The following ZDHHC21 variants were observed in gnomAD, a reference collection of about 807,000 sequenced individuals.
The protein encoded by ZDHHC21 is zDHHC palmitoyltransferase 21, also known as palmitoyltransferase ZDHHC21.
A neutral mutation model predicts 34.6 loss-of-function variants in ZDHHC21; 15 were observed. The observed-to-expected ratio is 0.43, with a 90% CI of 0.29 to 0.67. ZDHHC21 has a LOEUF of 0.67. ZDHHC21 is among the 30% of genes least tolerant of loss of function. The probability of loss-of-function intolerance (pLI) is 0.14; values close to 1 mark genes in which losing one functional copy is unlikely to be tolerated. For missense variants in ZDHHC21, 344 were observed against 327.7 expected (o/e 1.05, Z -0.38); for synonymous variants, 142 against 101.8 (o/e 1.40, Z -2.38).
the ZDHHC21 span, among the ~76,000 whole-genome samples, chr9:14,601,449 C>A: frequency 6.6e-6 from 1 of 152,096 alleles, no homozygotes; most frequent in African/African-American, 2.4e-5. Flanking sequence ...CAATGAGATA[C>A]CATCTCATGC....
At chr9:14,636,992 G>C (rs1248848769) in intron 8 of ZDHHC21, among the ~76,000 whole-genome samples, 2 of 151,928 alleles carry the variant, frequency 1.3e-5, no homozygotes, top group African/African-American at 4.8e-5. Context: ...GCACCTCAAG[G>C]AACCAGAAAA....
At chr9:14,675,444 C>A (rs1298175704) in intron 3 of ZDHHC21, among the ~76,000 whole-genome samples, 1 of 151,872 alleles carries the variant, frequency 6.6e-6, no homozygotes, top group Non-Finnish European at 1.5e-5. Context: ...TCTACTGAAT[C>A]ATAATTCTTC....
the ZDHHC21 span, chr9:14,593,997 G>C: frequency 6.6e-6 from 1 of 152,150 alleles, no homozygotes; most frequent in East Asian, 1.9e-4. Flanking sequence ...ACTTTCCCTG[G>C]TCACCTCAGC....
chr9:14,631,853 C>G (rs142755911), intron 8 of ZDHHC21, among the ~76,000 whole-genome samples: 267 of 152,106 alleles, frequency 1.8e-3, no homozygotes, highest in Middle Eastern at 6.8e-3. Context: ...GTTTGTGGTG[C>G]CCCAAAATAA....
At chr9:14,655,282 G>C (rs10961638) in intron 7 of ZDHHC21, among the ~76,000 whole-genome samples, 1 of 151,162 alleles carries the variant, frequency 6.6e-6, no homozygotes, top group African/African-American at 2.5e-5. Flanking sequence ...AAAAATGAAG[G>C]AGAAATAAAA....
downstream of ZDHHC21, among the ~76,000 whole-genome samples, chr9:14,610,233 T>A (rs892053994): frequency 1.3e-5 from 2 of 151,642 alleles, no homozygotes; most frequent in Non-Finnish European, 2.9e-5. Context: ...TGTAAAGGAG[T>A]CCTGAGACCA....
At chr9:14,608,773 T>C (rs1005739214), downstream of ZDHHC21, among the ~76,000 whole-genome samples, 1 of 152,130 alleles carries the variant, frequency 6.6e-6, no homozygotes, top group Non-Finnish European at 1.5e-5. Flanking sequence ...GCTAATATAA[T>C]TGCTGCTCAT....
At chr9:14,665,410 T>A (rs976765514) in intron 5 of ZDHHC21, among the ~76,000 whole-genome samples, 1 of 145,072 alleles carries the variant, frequency 6.9e-6, no homozygotes. Flanking sequence ...TGGAACCAAG[T>A]TGGAAAACAC....
At chr9:14,638,950 T>C (rs1419675357) in intron 8 of ZDHHC21, among the ~76,000 whole-genome samples, 1 of 151,924 alleles carries the variant, frequency 6.6e-6, no homozygotes, top group Admixed American at 6.6e-5. Flanking sequence ...ATACTGAGAA[T>C]TCTTAAAAAA....
chr9:14,623,197 A>T lies in ZDHHC21; in HGVS notation c.622-3515T>A, dbSNP rs1825611820. On this transcript the variant is annotated intron_variant, in intron 8 of 9. Coordinates refer to ENST00000380916, the MANE Select transcript of ZDHHC21 (RefSeq NM_178566.6). ...CAAATGAGATTACATCAAACAAAAA[A>T]GCTCTGCATAGCAAAGGAAACAACA... Among the ~76,000 whole-genome samples, 9 of 152,010 alleles carry T rather than the reference A, an allele frequency of 5.9e-5. 1 individual carries two copies. The highest frequency in any genetic ancestry group is 5.9e-4 in the Admixed American group (9 of 15,256).
chr9:14,690,057 T>TA (rs1563759001), intron 2 of ZDHHC21, among the ~76,000 whole-genome samples: 2 of 152,066 alleles, frequency 1.3e-5, no homozygotes, highest in Non-Finnish European at 2.9e-5. Context: ...GACAGGGATT[T>TA]AAAAAGGTAA....
At chr9:14,652,460 T>G (rs1351555099) in intron 7 of ZDHHC21, among the ~76,000 whole-genome samples, 1 of 151,942 alleles carries the variant, frequency 6.6e-6, no homozygotes. Context: ...CTTCACATGG[T>G]AAAAACATAT....
chr9:14,645,528 G>A (rs1434979193), intron 7 of ZDHHC21, among the ~76,000 whole-genome samples: 1 of 151,932 alleles, frequency 6.6e-6, no homozygotes, highest in African/African-American at 2.4e-5. Context: ...ATTGGTTTTA[G>A]AAAGGATAAA....
the ZDHHC21 span, chr9:14,589,745 T>C: frequency 2.0e-5 from 3 of 152,240 alleles, no homozygotes; most frequent in African/African-American, 7.2e-5. Context: ...GGTTTTATTA[T>C]ACTTGAAGTA....
intron 3 of ZDHHC21, among the ~76,000 whole-genome samples, chr9:14,679,047 G>T (rs1368335741): frequency 6.6e-6 from 1 of 152,022 alleles, no homozygotes; most frequent in Non-Finnish European, 1.5e-5. Flanking sequence ...TAACAAGCAT[G>T]TTTCTATTGA....
chr9:14,624,412 G>C (rs1316144378), intron 8 of ZDHHC21, among the ~76,000 whole-genome samples: 2 of 152,044 alleles, frequency 1.3e-5, no homozygotes, highest in African/African-American at 4.8e-5. Context: ...CCAAGATATG[G>C]AATCAACCTG....
chr9:14,596,284 C>T, the ZDHHC21 span, among the ~76,000 whole-genome samples: 10 of 152,330 alleles, frequency 6.6e-5, no homozygotes, highest in East Asian at 1.9e-3. Flanking sequence ...TCACCTCATC[C>T]TTCAGTAGTG....
In ZDHHC21 at chr9:14,613,313, C is replaced by A. The variant is rs1317798188; in HGVS notation, c.*5653G>T. 3 of 151,764 alleles carry A rather than the reference C, an allele frequency of 2.0e-5. No homozygotes were observed. The East Asian group carries it at 5.8e-4, about 29-fold the overall frequency. The allele number at this position is 151,764 out of a possible 1,614,324, so 9.4% of individuals were successfully genotyped here. A position where few individuals can be genotyped will look rare whatever the true frequency, so the allele number is the denominator to read the frequency against. ...CAAAAAGAAAATTAACTCTTTGGTACAGGAATTAAAAATGTCACTCAATGC... is the reference window on the plus strand; with the variant it reads ...CAAAAAGAAAATTAACTCTTTGGTAAAGGAATTAAAAATGTCACTCAATGC... On this transcript the variant is annotated 3_prime_UTR_variant, in exon 10 of 10. Transcript: ENST00000380916.
rs1248958456 is a variant in ZDHHC21 at position 14,618,838 on chromosome 9, G to A, written c.*128C>T. 1 of 996,824 alleles carries A rather than the reference G, an allele frequency of 1.0e-6. No homozygotes were observed. Among genetic ancestry groups the A allele is most frequent in the East Asian group, 2.9e-5 (1 of 34,036 alleles). The allele number at this position is 996,824 out of a possible 1,614,324, so 61.7% of individuals were successfully genotyped here. A position where few individuals can be genotyped will look rare whatever the true frequency, so the allele number is the denominator to read the frequency against. On this transcript the variant is annotated 3_prime_UTR_variant, in exon 10 of 10. Coordinates refer to ENST00000380916, the MANE Select transcript of ZDHHC21 (RefSeq NM_178566.6). Reference sequence around the variant, plus strand: ...GATCACTATTAAAATAAAGCCTGGGGCACATTATGATGCCTAAGACTGGTG... The same window carrying A: ...GATCACTATTAAAATAAAGCCTGGGACACATTATGATGCCTAAGACTGGTG...
Sources: allele counts gnomAD v4.1 joint callset (sites outside exome capture counted in the v4.1 genomes callset), GRCh38; gene constraint gnomAD v4.1.1; transcripts MANE v1.5; gene names NCBI Gene and HGNC (gene_info 2026-07-23, HGNC 2026-07-21).